The following CACNA1E variants were observed in gnomAD, a reference collection of about 807,000 sequenced individuals.
CACNA1E encodes calcium voltage-gated channel subunit alpha1 E.
Under a neutral mutation model 259.2 loss-of-function variants are expected in CACNA1E, and 40 were observed. The observed-to-expected ratio is 0.15, with a 90% CI of 0.12 to 0.20. The LOEUF (loss-of-function observed/expected upper bound fraction) is 0.20. Ranked by LOEUF, CACNA1E falls within the 10% of genes least tolerant of loss-of-function variation. The pLI, the probability that CACNA1E is intolerant of heterozygous loss-of-function variation, is 1.00. For synonymous variants in CACNA1E, 1,104 were observed against 1,138.5 expected (o/e 0.97, Z 0.61); for missense variants, 1,874 against 3,040.1 (o/e 0.62, Z 9.02).
At position 181,767,860 on chromosome 1, in the gene CACNA1E, A is replaced by G. The variant is rs372506878; in HGVS notation, c.4881+1249A>G. Reference sequence around the variant, plus strand: ...TTGTAACGTTCATGAAGTCCTGTCTAACTCCAATATATTTGATTCTGGAAT... The same window carrying G: ...TTGTAACGTTCATGAAGTCCTGTCTGACTCCAATATATTTGATTCTGGAAT... On this transcript the variant is annotated intron_variant, in intron 35 of 47. Coordinates refer to ENST00000367573, the MANE Select transcript of CACNA1E (RefSeq NM_001205293.3). Among the ~76,000 whole-genome samples the G allele has an allele frequency of 1.2e-4, 19 of 152,364 alleles. No individual in the cohort carries two copies. The South Asian group carries it at 3.7e-3, about 30-fold the overall frequency.
chr1:181,340,374 G>T (rs73042233), intron 1 of CACNA1E, among the ~76,000 whole-genome samples: 1,797 of 151,876 alleles, frequency 0.012, 30 homozygotes, highest in African/African-American at 0.041. Flanking sequence ...ATGTTGTATG[G>T]CTAGTCATTT....
chr1:181,660,924 G>T (rs1219067969), intron 7 of CACNA1E, among the ~76,000 whole-genome samples: 1 of 152,200 alleles, frequency 6.6e-6, no homozygotes, highest in Non-Finnish European at 1.5e-5. Flanking sequence ...ACTGCTAGGG[G>T]CTAGGGATAC....
At chr1:181,740,216 G>A (rs1656433747) in intron 25 of CACNA1E, among the ~76,000 whole-genome samples, 1 of 152,188 alleles carries the variant, frequency 6.6e-6, no homozygotes, top group African/African-American at 2.4e-5. Context: ...GCTACACTGT[G>A]TAGTGAGGCA....
intron 7 of CACNA1E, among the ~76,000 whole-genome samples, chr1:181,689,746 T>TC (rs1650951092): frequency 6.6e-6 from 1 of 152,250 alleles, no homozygotes; most frequent in Non-Finnish European, 1.5e-5. Flanking sequence ...GAGCTTTTTT[T>TC]CATATGTTTC....
Position 181,736,427 on chromosome 1 carries a change from A to G in CACNA1E, c.3415A>G (p.Thr1139Ala). Residue 1139 changes from threonine (T) to alanine (A), a missense_variant, in exon 22 of 48, where the codon ACC becomes GCC. Transcript: ENST00000367573. ...PHSSMFIFST[T>A]NPIRRACHYI... ...CAGCTCAATGTTCATCTTCAGCACC[A>G]CCAACCCGTAAGCCACCCTCGCGTT... 6.2e-7 allele frequency: 1 copy of G among 1,612,004 alleles called. No homozygotes were observed. The highest frequency in any genetic ancestry group is 1.1e-5 in the South Asian group (1 of 90,382).
rs538192254 is a variant in CACNA1E, at chr1:181,732,641, G to A, written c.2555G>A (p.Arg852His). ...LEKFEEERIS[R>H]GGSLKGDGGD... ...AAGTTCGAGGAGGAGCGCATCAGCC[G>A]TGGGGGGTCCCTCAAGGGGGATGGA... is the stretch of plus-strand genomic sequence containing the variant. The change falls in exon 20 of 48, where the codon CGT (arginine) becomes CAT (histidine). Residue 852 changes from arginine to histidine, a missense_variant. Around this residue, in one of 14 missense-constraint regions of CACNA1E, gnomAD observed 476 missense variants for 514.0 expected, o/e 0.93. Transcript: ENST00000367573. The surrounding 1 kb of genome is among the most constrained non-coding windows in gnomAD (Gnocchi z 5.5). 4.1e-5 allele frequency: 61 copies of A among 1,502,210 alleles called. No individual in the cohort carries two copies. The highest frequency in any genetic ancestry group is 4.0e-4 in the East Asian group (17 of 42,292). 93.1% of individuals were successfully genotyped at this position (1,502,210 alleles called of 1,614,324 possible).
At chr1:181,385,576 C>A (rs1239149445) in intron 1 of CACNA1E, among the ~76,000 whole-genome samples, 1 of 152,226 alleles carries the variant, frequency 6.6e-6, no homozygotes, top group Non-Finnish European at 1.5e-5. Flanking sequence ...ATAGCCAAAG[C>A]TAGACGGCTT....
chr1:181,554,680 G>A (rs376834287), intron 3 of CACNA1E, among the ~76,000 whole-genome samples: 17 of 152,152 alleles, frequency 1.1e-4, no homozygotes, highest in Admixed American at 3.9e-4. Flanking sequence ...CTGCTTTCTC[G>A]TTGCTCACAC....
chr1:181,642,829 C>G (rs1053795716), intron 6 of CACNA1E, among the ~76,000 whole-genome samples: 1 of 152,204 alleles, frequency 6.6e-6, no homozygotes, highest in Non-Finnish European at 1.5e-5. Flanking sequence ...ATCCTGGCCC[C>G]CCAGAGCATC....
intron 33 of CACNA1E, 85 bp downstream of exon 33, chr1:181,762,742 A>G: frequency 1.3e-6 from 1 of 795,502 alleles, no homozygotes. Context: ...GTCCATTTTT[A>G]ACCCACCAAA....
chr1:181,753,923 G>C (rs1657824398), intron 27 of CACNA1E, among the ~76,000 whole-genome samples: 1 of 152,200 alleles, frequency 6.6e-6, no homozygotes, highest in Non-Finnish European at 1.5e-5. Flanking sequence ...TTCCCAGAGA[G>C]AGACACCCAT....
At chr1:181,587,565 C>T (rs1652190306) in intron 6 of CACNA1E, among the ~76,000 whole-genome samples, 1 of 152,186 alleles carries the variant, frequency 6.6e-6, no homozygotes, top group Middle Eastern at 3.4e-3. Context: ...GAGGAGAGAA[C>T]GTGGATTATA....
chr1:181,552,446 T>G (rs1013893216), intron 3 of CACNA1E, among the ~76,000 whole-genome samples: 2 of 152,178 alleles, frequency 1.3e-5, no homozygotes, highest in Non-Finnish European at 2.9e-5. Context: ...CATAGCTTTT[T>G]TTTTCTGTTT....
rs751463313 is a variant in CACNA1E at position 181,732,859 on chromosome 1, C to T, written c.2773C>T (p.Arg925Cys). 17 of 1,613,778 alleles carry T rather than the reference C, an allele frequency of 1.1e-5. No homozygotes were observed. Among genetic ancestry groups the T allele is most frequent in the African/African-American group, 2.7e-5 (2 of 74,924 alleles). The change falls in exon 20 of 48, where the codon CGC becomes TGC. Residue 925 changes from arginine (R) to cysteine (C), a missense_variant. Transcript: ENST00000367573. The surrounding 1 kb of genome is among the most constrained non-coding windows in gnomAD (Gnocchi z 5.5). Reference sequence around the variant, plus strand: ...GAGCCAACGGCGCAGCCGGCATCGCCGCGTCAGGACAGAAGGCAAGGAGTC... The same window carrying T: ...GAGCCAACGGCGCAGCCGGCATCGCTGCGTCAGGACAGAAGGCAAGGAGTC... ...RQSQRRSRHR[R>C]VRTEGKESSS... is the part of the protein sequence containing the mutation.
chr1:181,753,641 T>C (rs887103265), intron 27 of CACNA1E, among the ~76,000 whole-genome samples: 14 of 152,162 alleles, frequency 9.2e-5, no homozygotes, highest in African/African-American at 3.1e-4. Flanking sequence ...AGGACACAGC[T>C]TGGGGAGGGC....
chr1:181,549,795 A>G (rs1231836969), intron 3 of CACNA1E, among the ~76,000 whole-genome samples: 1 of 152,228 alleles, frequency 6.6e-6, no homozygotes, highest in African/African-American at 2.4e-5. Context: ...GTGTCCGTGG[A>G]GAACGGCATG....
chr1:181,655,701 GGAAGTCTAGGATGACA>G (rs1659154182), intron 7 of CACNA1E, among the ~76,000 whole-genome samples: 1 of 152,162 alleles, frequency 6.6e-6, no homozygotes, highest in South Asian at 2.1e-4. Context: ...GGCGATGAAC[GGAAGTCTAGGATGACA>G]GAAGCCTAGA....
chr1:181,671,548 G>C (rs1648796179), intron 7 of CACNA1E, among the ~76,000 whole-genome samples: 1 of 152,206 alleles, frequency 6.6e-6, no homozygotes, highest in Admixed American at 6.5e-5. Context: ...AGACTTGAGA[G>C]AATTGCTGCC....
intron 3 of CACNA1E, among the ~76,000 whole-genome samples, chr1:181,574,480 A>C (rs1169217379): frequency 6.6e-6 from 1 of 152,174 alleles, no homozygotes; most frequent in Non-Finnish European, 1.5e-5. Flanking sequence ...CAAATTTATT[A>C]ATTTAATCAG....
Sources: allele counts gnomAD v4.1 joint callset (sites outside exome capture counted in the v4.1 genomes callset), GRCh38; gene constraint gnomAD v4.1.1; regional missense constraint gnomAD v4.1.1; non-coding constraint Gnocchi (gnomAD v3.1); transcripts MANE v1.5; gene names NCBI Gene and HGNC (gene_info 2026-07-23, HGNC 2026-07-21).